The following SLC22A23 variants were observed in gnomAD, a reference collection of about 807,000 sequenced individuals.
The protein encoded by SLC22A23 is ion transporter protein.
In SLC22A23, 26 loss-of-function variants were observed where a neutral mutation model predicts 61.0. The ratio of observed to expected loss-of-function variants is 0.43; its 90% CI spans 0.31 to 0.59. SLC22A23 has a LOEUF of 0.59. Ranked by LOEUF, SLC22A23 falls within the 20% of genes least tolerant of loss-of-function variation. SLC22A23 has a pLI of 0.11. For missense variants in SLC22A23, 796 were observed against 934.7 expected (o/e 0.85, Z 1.94); for synonymous variants, 430 against 413.9 (o/e 1.04, Z -0.47).
At chr6:3,314,526 G>A (rs1442851127) in intron 4 of SLC22A23, among the ~76,000 whole-genome samples, 1 of 152,208 alleles carries the variant, frequency 6.6e-6, no homozygotes, top group Non-Finnish European at 1.5e-5. Flanking sequence ...AGGGAGCTAA[G>A]TTATGTAAAG....
intron 4 of SLC22A23, among the ~76,000 whole-genome samples, chr6:3,310,250 G>T (rs982327585): frequency 1.4e-5 from 2 of 145,878 alleles, no homozygotes; most frequent in East Asian, 2.0e-4. Flanking sequence ...CTGTCTCCCA[G>T]GGAGCACCCT....
intron 3 of SLC22A23, among the ~76,000 whole-genome samples, chr6:3,405,078 G>A (rs1354261939): frequency 6.6e-6 from 1 of 151,972 alleles, no homozygotes; most frequent in Non-Finnish European, 1.5e-5. Context: ...GGCCAACATA[G>A]TGAAACCCTG....
At chr6:3,407,603 G>C (rs959338227) in intron 3 of SLC22A23, among the ~76,000 whole-genome samples, 2 of 152,174 alleles carry the variant, frequency 1.3e-5, no homozygotes, top group African/African-American at 2.4e-5. Flanking sequence ...CAAACTCCGA[G>C]TCATCATTCA....
intron 1 of SLC22A23, chr6:3,438,457 T>C: frequency 2.2e-6 from 1 of 454,494 alleles, no homozygotes; most frequent in Non-Finnish European, 4.4e-6. Context: ...CCTGATCTAT[T>C]ACTCAGCAAA....
Position 3,414,542 on chromosome 6 carries a change from G to A in SLC22A23, c.758+1210C>T, listed in dbSNP as rs1403856742. Among the ~76,000 whole-genome samples the A allele has an allele frequency of 1.3e-5, 2 of 151,942 alleles. No homozygotes were observed. The highest frequency in any genetic ancestry group is 6.6e-5 in the Admixed American group (1 of 15,260). ...CAGCTCAAGGAACTCCCAAATACAC[G>A]CTGGGTTTTGGAAGAAATTTTCCAC... On this transcript the variant is annotated intron_variant, in intron 2 of 9. Transcript: ENST00000406686. This position sits in a 1 kb window ranked among gnomAD's most constrained non-coding sequence, Gnocchi z 5.1.
chr6:3,326,500 C>G (rs1055797680), intron 3 of SLC22A23, among the ~76,000 whole-genome samples: 1 of 152,152 alleles, frequency 6.6e-6, no homozygotes, highest in Non-Finnish European at 1.5e-5. Flanking sequence ...AAACTGTAAG[C>G]ATGTTTTGCC....
At chr6:3,421,840 T>C (rs78126592) in intron 1 of SLC22A23, among the ~76,000 whole-genome samples, 1 of 152,150 alleles carries the variant, frequency 6.6e-6, no homozygotes, top group Non-Finnish European at 1.5e-5. Context: ...GACAATCCTA[T>C]AAATCAGGCC....
intron 4 of SLC22A23, among the ~76,000 whole-genome samples, chr6:3,301,223 T>G (rs1234013269): frequency 6.6e-6 from 1 of 152,174 alleles, no homozygotes; most frequent in African/African-American, 2.4e-5. Flanking sequence ...ATCTTTCTGA[T>G]GCGTTTGGGT....
At chr6:3,279,777 A>C (rs1226105907) in intron 9 of SLC22A23, among the ~76,000 whole-genome samples, 1 of 152,064 alleles carries the variant, frequency 6.6e-6, no homozygotes, top group East Asian at 1.9e-4. Flanking sequence ...GAGCTGCTTG[A>C]TTTACGGACA....
Position 3,298,188 on chromosome 6 carries a change from C to A in SLC22A23, c.1113G>T (p.Met371Ile). 2 of 1,591,328 alleles carry A rather than the reference C, an allele frequency of 1.3e-6. No individual in the cohort carries two copies. The highest frequency in any genetic ancestry group is 1.4e-5 in the African/African-American group (1 of 73,412). ...SIFPESLRWLMATQQFESAKR... is the reference protein window; with the variant it reads ...SIFPESLRWLIATQQFESAKR... ...TTGCAGACTCAAACTGCTGGGTGGC[C>A]ATTAGCCACCGGAGGGACTCGGGGA... Residue 371 changes from methionine (M) to isoleucine (I), a missense_variant, in exon 5 of 10, where the codon ATG (methionine) becomes ATT (isoleucine). By Grantham distance (10) the Met-to-Ile change is conservative. Coordinates refer to ENST00000406686, the MANE Select transcript of SLC22A23 (RefSeq NM_015482.2).
chr6:3,272,137 T>C lies in SLC22A23; in HGVS notation c.*918A>G, dbSNP rs1275626673. 2 of 152,416 alleles carry C rather than the reference T, an allele frequency of 1.3e-5. No homozygotes were observed. The highest frequency in any genetic ancestry group is 2.9e-5 in the Non-Finnish European group (2 of 68,078). 9.4% of individuals were successfully genotyped at this position (152,416 alleles called of 1,614,324 possible). A position where few individuals can be genotyped will look rare whatever the true frequency, so the allele number is the denominator to read the frequency against. ...GCAGCCCCCCTTCTGTGGATTTGCC[T>C]CTGCCATCTTTTTGAGTTATTTTCT... On this transcript the variant is annotated 3_prime_UTR_variant, in exon 10 of 10. Coordinates refer to ENST00000406686, the MANE Select transcript of SLC22A23 (RefSeq NM_015482.2).
At chr6:3,453,428 G>A (rs1018537118) in intron 1 of SLC22A23, among the ~76,000 whole-genome samples, 3 of 152,140 alleles carry the variant, frequency 2.0e-5, no homozygotes, top group Non-Finnish European at 4.4e-5. Flanking sequence ...ATAACTTCAT[G>A]TTAGAGATAT....
chr6:3,280,183 C>G (rs1311164969), intron 9 of SLC22A23, among the ~76,000 whole-genome samples: 1 of 152,184 alleles, frequency 6.6e-6, no homozygotes, highest in African/African-American at 2.4e-5. Flanking sequence ...AGCCCAGGCC[C>G]TTTGCACATG....
At chr6:3,398,424 A>C (rs899837237) in intron 3 of SLC22A23, among the ~76,000 whole-genome samples, 1 of 151,786 alleles carries the variant, frequency 6.6e-6, no homozygotes, top group African/African-American at 2.4e-5. Flanking sequence ...AGGAGCAGGC[A>C]GAGCCAACTC....
rs554599533 is a variant in SLC22A23, at chr6:3,293,596, G to A, written c.1211-3730C>T. ...GCCGACCTCTGTCATCTCTGTCCTCGTCTGCCCAGACACAGGCTCCACCTA... is the reference window on the plus strand; with the variant it reads ...GCCGACCTCTGTCATCTCTGTCCTCATCTGCCCAGACACAGGCTCCACCTA... On this transcript the variant is annotated intron_variant, in intron 5 of 9. Coordinates refer to ENST00000406686, the MANE Select transcript of SLC22A23 (RefSeq NM_015482.2). Among the ~76,000 whole-genome samples, 33 of 152,334 alleles carry A rather than the reference G, an allele frequency of 2.2e-4. No individual in the cohort carries two copies. The South Asian group carries it at 2.9e-3, about 13-fold the overall frequency.
At chr6:3,439,495 A>C (rs1368552352) in intron 1 of SLC22A23, 4 of 261,248 alleles carry the variant, frequency 1.5e-5, no homozygotes, top group African/African-American at 4.5e-5. Context: ...GACATAATCA[A>C]CTCCAGAGCC....
intron 9 of SLC22A23, among the ~76,000 whole-genome samples, chr6:3,276,384 G>A (rs542307357): frequency 1.3e-5 from 2 of 152,326 alleles, no homozygotes; most frequent in African/African-American, 2.4e-5. Flanking sequence ...ACTCCAGGCC[G>A]CCTGGGTCTG....
At chr6:3,424,375 TGTCA>T (rs1305000692) in intron 1 of SLC22A23, among the ~76,000 whole-genome samples, 2 of 152,262 alleles carry the variant, frequency 1.3e-5, no homozygotes, top group Non-Finnish European at 2.9e-5. Flanking sequence ...GTATGTCACC[TGTCA>T]GTCAAAGTAT....
At chr6:3,280,225 G>A (rs966300555) in intron 9 of SLC22A23, among the ~76,000 whole-genome samples, 1 of 152,178 alleles carries the variant, frequency 6.6e-6, no homozygotes, top group East Asian at 1.9e-4. Flanking sequence ...CTAACAAGGT[G>A]CCTGTAGTCA....
Sources: gnomAD v4.1 joint callset for allele counts (sites outside exome capture counted in the v4.1 genomes callset) on GRCh38, gnomAD v4.1.1 for gene constraint, Gnocchi (gnomAD v3.1) non-coding constraint, MANE v1.5 for transcripts, NCBI Gene and HGNC (gene_info 2026-07-23, HGNC 2026-07-21) for gene names.